CELSR1: variants seen among roughly 807,000 people sequenced by gnomAD.
The protein encoded by CELSR1 is adhesion G protein-coupled receptor C1.
Under a neutral mutation model 249.1 loss-of-function variants are expected in CELSR1, and 110 were observed. The ratio of observed to expected loss-of-function variants is 0.44; its 90% CI spans 0.38 to 0.52. The LOEUF is 0.52. Ranked by LOEUF, CELSR1 falls within the 20% of genes least tolerant of loss-of-function variation. The pLI, the probability that CELSR1 is intolerant of heterozygous loss-of-function variation, is 0.00. For synonymous variants in CELSR1, 2,113 were observed against 1,900.0 expected, an observed-to-expected ratio of 1.11 and a Z score of -2.92; for missense variants, 4,109 against 4,296.4, an observed-to-expected ratio of 0.96 and a Z score of 1.22.
chr22:46,399,625 C>T lies in CELSR1; in HGVS notation c.5412+92G>A. The T allele has an allele frequency of 7.5e-7, 1 of 1,330,786 alleles. No individual in the cohort carries two copies. The highest frequency in any genetic ancestry group is 1.1e-6 in the Non-Finnish European group (1 of 942,538). 82.4% of individuals were successfully genotyped at this position (1,330,786 alleles called of 1,614,324 possible). A position where few individuals can be genotyped will look rare whatever the true frequency, so the allele number is the denominator to read the frequency against. Reference sequence around the variant, plus strand: ...GTGCCTCCCCAAATCCACAAGGTCTCTGGTGGGTCCTGGCACGTCAAGGGG... The same window carrying T: ...GTGCCTCCCCAAATCCACAAGGTCTTTGGTGGGTCCTGGCACGTCAAGGGG... On this transcript the variant is annotated intron_variant, in intron 10 of 34. Coordinates refer to ENST00000674500, the MANE Select transcript of CELSR1 (RefSeq NM_001378328.1). The surrounding 1 kb of genome is among the most constrained non-coding windows in gnomAD (Gnocchi z 5.0).
intron 2 of CELSR1, among the ~76,000 whole-genome samples, chr22:46,443,358 C>T (rs1023832549): frequency 6.6e-6 from 1 of 152,190 alleles, no homozygotes; most frequent in East Asian, 1.9e-4. Context: ...GCCTGTTCTG[C>T]ACTGGCAGGG....
chr22:46,457,477 C>A (rs2079969947), intron 2 of CELSR1, among the ~76,000 whole-genome samples: 1 of 152,200 alleles, frequency 6.6e-6, no homozygotes, highest in Non-Finnish European at 1.5e-5. Flanking sequence ...TGCCTCTACC[C>A]AGACATGAGG....
At chr22:46,388,329 A>G (rs1399508932) in intron 18 of CELSR1, among the ~76,000 whole-genome samples, 2 of 151,986 alleles carry the variant, frequency 1.3e-5, no homozygotes. Flanking sequence ...AGCCTGGACA[A>G]CAGAGCAAGA....
chr22:46,370,112 G>T (rs531297011), intron 25 of CELSR1: 1 of 498,220 alleles, frequency 2.0e-6, no homozygotes, highest in Non-Finnish European at 3.9e-6. Context: ...GATGGTGCAG[G>T]AGGGATCGTG....
Position 46,391,321 on chromosome 22 carries a change from G to C in CELSR1, c.6149-34C>G. 3 of 1,584,018 alleles carry C rather than the reference G, an allele frequency of 1.9e-6. No homozygotes were observed. Among genetic ancestry groups the C allele is most frequent in the Non-Finnish European group, 2.6e-6 (3 of 1,154,962 alleles). On this transcript the variant is annotated intron_variant, in intron 15 of 34. Coordinates refer to ENST00000674500, the MANE Select transcript of CELSR1 (RefSeq NM_001378328.1). The surrounding 1 kb of genome is among the most constrained non-coding windows in gnomAD (Gnocchi z 4.3). ...GAGAAGAGAGAAGTCTGCTCAGCGG[G>C]GCACGCCACACCCACGACCACAAAC...
rs2079927937 is a variant in CELSR1, at chr22:46,454,794, G to A, written c.4183+8913C>T. 6.6e-6 allele frequency among the ~76,000 whole-genome samples: 1 copy of A among 152,242 alleles called. No homozygotes were observed. The highest frequency in any genetic ancestry group is 1.5e-5 in the Non-Finnish European group (1 of 68,042). ...GCAGACACGCGACAGGCAGGCCAGT[G>A]AGAAGCGCCAACAGCCCTGGTTCCC... On this transcript the variant is annotated intron_variant, in intron 2 of 34. Transcript: ENST00000674500. The surrounding 1 kb of genome is among the most constrained non-coding windows in gnomAD (Gnocchi z 5.1).
In CELSR1 at chr22:46,384,894, A is replaced by G. The variant is rs182886700; in HGVS notation, c.6740-208T>C. On this transcript the variant is annotated intron_variant, in intron 19 of 34. Transcript: ENST00000674500. ...AACCTCCGCCTCCCAGATTCAAGCA[A>G]TATCTCCTGCCTCAGCCTCCCAAGT... Among the ~76,000 whole-genome samples, 51 of 131,012 alleles carry G rather than the reference A, an allele frequency of 3.9e-4. 1 individual carries two copies. Among genetic ancestry groups the G allele is most frequent in the Non-Finnish European group, 4.2e-4 (28 of 65,908 alleles). The allele number at this position is 131,012 out of a possible 152,430, so 85.9% of individuals were successfully genotyped here.
chr22:46,525,003 C>T (rs2080725033), intron 1 of CELSR1, among the ~76,000 whole-genome samples: 1 of 152,154 alleles, frequency 6.6e-6, no homozygotes, highest in Non-Finnish European at 1.5e-5. Flanking sequence ...TACCAGGCCC[C>T]AGGTCCACAG....
intron 32 of CELSR1, 149 bp downstream of exon 32, chr22:46,365,082 A>G: frequency 8.5e-7 from 1 of 1,175,874 alleles, no homozygotes; most frequent in East Asian, 2.6e-5. Flanking sequence ...GGGGAGCCCA[A>G]CCAGAGTCCC....
At chr22:46,372,412 T>C (rs1248054238) in intron 25 of CELSR1, among the ~76,000 whole-genome samples, 10 of 53,358 alleles carry the variant, frequency 1.9e-4, no homozygotes, top group South Asian at 6.4e-4. Flanking sequence ...CACTCACCCC[T>C]CCACCCATCC....
rs940429276 is a variant in CELSR1 at position 46,406,535 on chromosome 22, C to T, written c.5226+2461G>A. The stretch of plus-strand genomic sequence containing the variant: ...TCCACCAGCCTGCTGGGAGCACTCT[C>T]GGTCCTGCCCCCGCCACACTCCAAC... On this transcript the variant is annotated intron_variant, in intron 9 of 34. Coordinates refer to ENST00000674500, the MANE Select transcript of CELSR1 (RefSeq NM_001378328.1). This position sits in a 1 kb window ranked among gnomAD's most constrained non-coding sequence, Gnocchi z 5.4. 6.6e-6 allele frequency among the ~76,000 whole-genome samples: 1 copy of T among 152,214 alleles called. No individual in the cohort carries two copies. The highest frequency in any genetic ancestry group is 1.5e-5 in the Non-Finnish European group (1 of 68,038).
At position 46,363,979 on chromosome 22, in the gene CELSR1, A is replaced by C. The variant is rs766153605; in HGVS notation, c.9035+17T>G. 6.3e-7 allele frequency: 1 copy of C among 1,575,474 alleles called. No homozygotes were observed. Among genetic ancestry groups the C allele is most frequent in the African/African-American group, 1.4e-5 (1 of 73,070 alleles). On this transcript the variant is annotated intron_variant, in intron 34 of 34. Coordinates refer to ENST00000674500, the MANE Select transcript of CELSR1 (RefSeq NM_001378328.1). This position sits in a 1 kb window ranked among gnomAD's most constrained non-coding sequence, Gnocchi z 4.3. ...GGGAAGTGGGTGATCCCCGCCCTGG[A>C]GGCCCAGGCTACTCACTCAGAGTCG...
intron 9 of CELSR1, among the ~76,000 whole-genome samples, chr22:46,403,252 A>G (rs2079226946): frequency 6.6e-6 from 1 of 152,142 alleles, no homozygotes; most frequent in Non-Finnish European, 1.5e-5. Context: ...CAAAAAAACA[A>G]TAATTAAAAC....
intron 24 of CELSR1, among the ~76,000 whole-genome samples, chr22:46,373,642 T>TGGGAGAATGGGGAGATGGGGGAGAAGG (rs1201217154): frequency 2.9e-4 from 26 of 91,132 alleles, no homozygotes; most frequent in Non-Finnish European, 2.6e-4. Context: ...ACCAGCCAAA[T>TGGGAGAATGGGGAGATGGGGGAGAAGG]GGGAGAATGG....
In CELSR1 at chr22:46,434,173, CA is replaced by C. The variant is rs1160807547; in HGVS notation, c.4523-693del. On this transcript the variant is annotated intron_variant, in intron 4 of 34. Coordinates refer to ENST00000674500, the MANE Select transcript of CELSR1 (RefSeq NM_001378328.1). The surrounding 1 kb of genome is among the most constrained non-coding windows in gnomAD (Gnocchi z 4.9). ...AATAAATGTCATCTCAGGCTTTTAA[CA>C]ACTCTTAAACCACGTAACACGTCCC... 1.3e-5 allele frequency among the ~76,000 whole-genome samples: 2 copies of C among 152,240 alleles called. No individual in the cohort carries two copies. The highest frequency in any genetic ancestry group is 6.5e-5 in the Admixed American group (1 of 15,292).
At chr22:46,465,912 T>C (rs1247217177) in intron 1 of CELSR1, among the ~76,000 whole-genome samples, 4 of 152,348 alleles carry the variant, frequency 2.6e-5, no homozygotes, top group Non-Finnish European at 5.9e-5. Flanking sequence ...ACTCGGGTCA[T>C]GCCCTGGGTG....
chr22:46,387,565 C>G (rs183963414), intron 18 of CELSR1, among the ~76,000 whole-genome samples: 146 of 151,950 alleles, frequency 9.6e-4, no homozygotes, highest in African/African-American at 3.1e-3. Context: ...CACCATGTTG[C>G]CCAGGCTGGT....
chr22:46,492,136 C>G (rs1268739929), intron 1 of CELSR1, among the ~76,000 whole-genome samples: 2 of 152,232 alleles, frequency 1.3e-5, no homozygotes, highest in Non-Finnish European at 2.9e-5. Flanking sequence ...TCCCTCGGGG[C>G]TGCTTCCCAG....
chr22:46,365,123 C>A (rs1412269990), intron 32 of CELSR1, 108 bp downstream of exon 32: 1 of 1,404,346 alleles, frequency 7.1e-7, no homozygotes, highest in Non-Finnish European at 9.5e-7. Flanking sequence ...CATGTGGCTG[C>A]AGTGCTGCTG....
Sources: gnomAD v4.1 joint callset for allele counts (sites outside exome capture counted in the v4.1 genomes callset) on GRCh38, gnomAD v4.1.1 for gene constraint, Gnocchi (gnomAD v3.1) non-coding constraint, MANE v1.5 for transcripts, NCBI Gene and HGNC (gene_info 2026-07-23, HGNC 2026-07-21) for gene names.